RTF1: variants seen among roughly 807,000 people sequenced by gnomAD.
RTF1 encodes RTF1 homolog, Paf1/RNA polymerase II complex component, also known as RNA polymerase-associated protein RTF1 homolog.
Under a neutral mutation model 95.7 loss-of-function variants are expected in RTF1, and 10 were observed. The observed-to-expected ratio is 0.10, with a 90% CI of 0.06 to 0.18. The LOEUF is 0.18. RTF1 is among the 10% of genes least tolerant of loss of function. The pLI is 1.00. For missense variants in RTF1, 458 were observed against 875.6 expected (o/e 0.52, Z 6.02); for synonymous variants, 305 against 311.8 (o/e 0.98, Z 0.23).
chr15:41,432,866 A>C lies in RTF1; in HGVS notation c.199-5455A>C, dbSNP rs140522360. On this transcript the variant is annotated intron_variant, in intron 1 of 17. Coordinates refer to ENST00000389629, the MANE Select transcript of RTF1 (RefSeq NM_015138.5). ...AGGCAGGAGAATTGCTTGAACCAGGAGGCCGAGGTTGTAGTGAGCCGGGAT... is the reference window on the plus strand; with the variant it reads ...AGGCAGGAGAATTGCTTGAACCAGGCGGCCGAGGTTGTAGTGAGCCGGGAT... 2.4e-3 allele frequency among the ~76,000 whole-genome samples: 361 copies of C among 149,578 alleles called. 1 individual carries two copies. The highest frequency in any genetic ancestry group is 8.4e-3 in the African/African-American group (342 of 40,552).
At position 41,474,600 on chromosome 15, in the gene RTF1, G is replaced by A. The variant is rs747658731; in HGVS notation, c.1204-20G>A. On this transcript the variant is annotated intron_variant, in intron 8 of 17. Coordinates refer to ENST00000389629, the MANE Select transcript of RTF1 (RefSeq NM_015138.5). Reference sequence around the variant, plus strand: ...CCGGAAGAGTCTGGTTTTGACTGGCGTCTCTGTCCTCTCACTTAGGTCGCT... The same window carrying A: ...CCGGAAGAGTCTGGTTTTGACTGGCATCTCTGTCCTCTCACTTAGGTCGCT... 18 of 1,588,688 alleles carry A rather than the reference G, an allele frequency of 1.1e-5. No homozygotes were observed. Among genetic ancestry groups the A allele is most frequent in the Admixed American group, 5.0e-5 (3 of 59,960 alleles).
At chr15:41,452,149 G>A (rs777181179) in intron 2 of RTF1, among the ~76,000 whole-genome samples, 4 of 152,124 alleles carry the variant, frequency 2.6e-5, no homozygotes, top group Admixed American at 2.6e-4. Flanking sequence ...AAAAATCTAG[G>A]CTGGGGCCAG....
At chr15:41,453,106 G>A (rs2050796564) in intron 3 of RTF1, 58 bp downstream of exon 3, 3 of 1,441,612 alleles carry the variant, frequency 2.1e-6, no homozygotes. Flanking sequence ...GCTTGAAGGT[G>A]CAAAGGCAGA....
chr15:41,460,652 T>C (rs1174792575), intron 4 of RTF1, among the ~76,000 whole-genome samples: 3 of 152,124 alleles, frequency 2.0e-5, no homozygotes, highest in South Asian at 2.1e-4. Flanking sequence ...TTTTTCACCT[T>C]ACGTGAATGA....
At chr15:41,447,458 AG>A (rs1290987690) in intron 2 of RTF1, among the ~76,000 whole-genome samples, 1 of 152,206 alleles carries the variant, frequency 6.6e-6, no homozygotes, top group African/African-American at 2.4e-5. Context: ...GGGGGAATAT[AG>A]TACTCACCTT....
At chr15:41,454,067 T>C (rs1295901666) in intron 3 of RTF1, among the ~76,000 whole-genome samples, 1 of 152,192 alleles carries the variant, frequency 6.6e-6, no homozygotes, top group Non-Finnish European at 1.5e-5. Context: ...TTTTTAATTG[T>C]TCATTAAAAT....
intron 2 of RTF1, among the ~76,000 whole-genome samples, chr15:41,450,469 C>T (rs189020614): frequency 1.3e-5 from 2 of 152,008 alleles, no homozygotes; most frequent in East Asian, 3.9e-4. Context: ...CCTGTAATCC[C>T]AGCTACTCGG....
chr15:41,437,656 CAG>C, intron 1 of RTF1, among the ~76,000 whole-genome samples: 1 of 152,228 alleles, frequency 6.6e-6, no homozygotes, highest in South Asian at 2.1e-4. Context: ...AACCATGTGA[CAG>C]AGCAAATCTT....
At chr15:41,451,933 C>T (rs1455560015) in intron 2 of RTF1, among the ~76,000 whole-genome samples, 4 of 151,800 alleles carry the variant, frequency 2.6e-5, no homozygotes, top group Non-Finnish European at 4.4e-5. Context: ...TGCTGTGTTG[C>T]GCACCTGTAG....
intron 8 of RTF1, 88 bp from the exon 9 acceptor site, chr15:41,474,532 C>A: frequency 1.1e-6 from 1 of 926,130 alleles, no homozygotes; most frequent in Non-Finnish European, 1.8e-6. Context: ...CAGTTGTCTG[C>A]GTTCAGGTAG....
intron 2 of RTF1, among the ~76,000 whole-genome samples, chr15:41,447,097 C>G (rs141490440): frequency 6.0e-4 from 92 of 152,270 alleles, no homozygotes; most frequent in African/African-American, 2.1e-3. Flanking sequence ...GCCACCACGC[C>G]CAGCCCCAGC....
intron 4 of RTF1, among the ~76,000 whole-genome samples, chr15:41,458,632 C>T (rs1292695394): frequency 1.3e-5 from 2 of 151,052 alleles, no homozygotes; most frequent in African/African-American, 4.9e-5. Context: ...ACCCGTAGTC[C>T]CAGCTACTCA....
Position 41,448,740 on chromosome 15 carries a change from C to G in RTF1, c.310-4161C>G, listed in dbSNP as rs183028191. ...TCTTGAAAAACAAAACAAAACAAAA[C>G]AAAAAATAGGGAATATTTCACGAAT... On this transcript the variant is annotated intron_variant, in intron 2 of 17. Coordinates refer to ENST00000389629, the MANE Select transcript of RTF1 (RefSeq NM_015138.5). The G allele has an allele frequency of 4.0e-5, 6 of 151,898 alleles. No homozygotes were observed. The East Asian group carries it at 5.8e-4, about 15-fold the overall frequency. The allele number at this position is 151,898 out of a possible 1,614,324, so 9.4% of individuals were successfully genotyped here.
intron 1 of RTF1, among the ~76,000 whole-genome samples, chr15:41,430,056 G>A: frequency 7.0e-6 from 1 of 141,912 alleles, no homozygotes; most frequent in Non-Finnish European, 1.5e-5. Context: ...TGCCCAGGCT[G>A]GAATGCAGTG....
rs8030013 is a variant in RTF1, at chr15:41,453,993, A to G, written c.457+945A>G. On this transcript the variant is annotated intron_variant, in intron 3 of 17. Transcript: ENST00000389629. Reference sequence around the variant, plus strand: ...TTAGTTCAATACTCATTGTACTCACATACTTTTTCCATGCCAACATTTGTC... The same window carrying G: ...TTAGTTCAATACTCATTGTACTCACGTACTTTTTCCATGCCAACATTTGTC... Among the ~76,000 whole-genome samples the G allele has an allele frequency of 6.9e-3, 1,053 of 152,336 alleles. 10 individuals carry two copies. Among genetic ancestry groups the G allele is most frequent in the African/African-American group, 0.024 (1,004 of 41,590 alleles).
Position 41,440,968 on chromosome 15 carries a change from CT to C in RTF1, c.309+2558del, listed in dbSNP as rs55996061. 8.5e-4 allele frequency among the ~76,000 whole-genome samples: 98 copies of C among 115,426 alleles called. No individual in the cohort carries two copies. In the South Asian group the frequency reaches 0.012, roughly 14 times the overall value. 75.7% of individuals were successfully genotyped at this position (115,426 alleles called of 152,430 possible). A position where few individuals can be genotyped will look rare whatever the true frequency, so the allele number is the denominator to read the frequency against. Reference sequence around the variant, plus strand: ...TAATTTTCTCTCCCACTAGTCCCCTCTTTTTTTTTTTTTTTTTTTTTGAGAC... The same window carrying C: ...TAATTTTCTCTCCCACTAGTCCCCTCTTTTTTTTTTTTTTTTTTTTGAGAC... On this transcript the variant is annotated intron_variant, in intron 2 of 17. Coordinates refer to ENST00000389629, the MANE Select transcript of RTF1 (RefSeq NM_015138.5).
chr15:41,480,359 G>C, intron 17 of RTF1, 34 bp downstream of exon 17: 2 of 1,381,662 alleles, frequency 1.4e-6, no homozygotes, highest in Non-Finnish European at 2.1e-6. Flanking sequence ...TGAGGGCTGA[G>C]AACCAGATGG....
At chr15:41,451,952 A>G (rs1267708757) in intron 2 of RTF1, among the ~76,000 whole-genome samples, 1 of 152,136 alleles carries the variant, frequency 6.6e-6, no homozygotes, top group African/African-American at 2.4e-5. Context: ...AGTTCCAGCT[A>G]CTTAGGAGGC....
Position 41,480,253 on chromosome 15 carries a change from A to G in RTF1, c.1954A>G (p.Ser652Gly). 6.2e-7 allele frequency: 1 copy of G among 1,613,928 alleles called. No homozygotes were observed. Among genetic ancestry groups the G allele is most frequent in the Non-Finnish European group, 8.5e-7 (1 of 1,179,758 alleles). The change falls in exon 17 of 18, where the codon AGT becomes GGT. Residue 652 changes from serine to glycine, a missense_variant. Physicochemically the swap from Ser to Gly is moderately conservative, Grantham distance 56. Coordinates refer to ENST00000389629, the MANE Select transcript of RTF1 (RefSeq NM_015138.5). ...KDKDLNSKSA[S>G]DLSEDLFKVH... is the part of the protein sequence containing the mutation. ...TAAAGATTTGAATTCTAAGTCAGCCAGTGACCTCTCAGAAGATCTGTTCAA... is the reference window on the plus strand; with the variant it reads ...TAAAGATTTGAATTCTAAGTCAGCCGGTGACCTCTCAGAAGATCTGTTCAA...
Sources: gnomAD v4.1 joint callset for allele counts (sites outside exome capture counted in the v4.1 genomes callset) on GRCh38, gnomAD v4.1.1 for gene constraint, MANE v1.5 for transcripts, NCBI Gene and HGNC (gene_info 2026-07-23, HGNC 2026-07-21) for gene names.